Variants in PPM1K observed in about 807,000 individuals in gnomAD.
PPM1K encodes the protein protein phosphatase Mn(2+)-dependent 1K.
In PPM1K, 19 loss-of-function variants were observed where a neutral mutation model predicts 32.6. The ratio of observed to expected loss-of-function variants is 0.58; its 90% CI spans 0.41 to 0.86. The LOEUF is 0.86. Among genes scored for constraint, PPM1K ranks in the 40% least tolerant of loss-of-function variants. The probability of loss-of-function intolerance (pLI) is 0.00; values close to 1 mark genes in which losing one functional copy is unlikely to be tolerated. For synonymous variants in PPM1K, 159 were observed against 165.3 expected, an observed-to-expected ratio of 0.96 and a Z score of 0.29; for missense variants, 362 against 461.2, an observed-to-expected ratio of 0.78 and a Z score of 1.97.
chr4:88,272,008 A>G (rs901475881), intron 3 of PPM1K, among the ~76,000 whole-genome samples: 13 of 152,348 alleles, frequency 8.5e-5, no homozygotes, highest in African/African-American at 2.4e-4. Context: ...CGACACATCA[A>G]AAGAAAAATG....
intron 3 of PPM1K, among the ~76,000 whole-genome samples, chr4:88,270,114 T>G (rs1731495589): frequency 6.6e-6 from 1 of 152,236 alleles, no homozygotes; most frequent in Non-Finnish European, 1.5e-5. Context: ...TGCTACTAAT[T>G]TGACTGATTA....
intron 1 of PPM1K, among the ~76,000 whole-genome samples, chr4:88,281,711 C>T (rs144385109): frequency 6.6e-6 from 1 of 152,286 alleles, no homozygotes; most frequent in Non-Finnish European, 1.5e-5. Flanking sequence ...ATGTCCTTTT[C>T]CATCTGCAAT....
At chr4:88,273,509 C>T (rs571059435) in intron 3 of PPM1K, among the ~76,000 whole-genome samples, 6 of 152,154 alleles carry the variant, frequency 3.9e-5, no homozygotes, top group South Asian at 2.1e-4. Flanking sequence ...GGCAAAACCC[C>T]GCCTCTACTA....
chr4:88,275,345 C>T (rs562443996), intron 3 of PPM1K: 3 of 970,858 alleles, frequency 3.1e-6, no homozygotes, highest in Admixed American at 6.2e-5. Flanking sequence ...CTTTATACAA[C>T]TGTTTAATGT....
At chr4:88,272,083 G>A (rs1379892271) in intron 3 of PPM1K, among the ~76,000 whole-genome samples, 1 of 152,086 alleles carries the variant, frequency 6.6e-6, no homozygotes, top group African/African-American at 2.4e-5. Context: ...ATGACCCCTA[G>A]TAATTACTCA....
chr4:88,281,694 T>C (rs1732015360), intron 1 of PPM1K, among the ~76,000 whole-genome samples: 1 of 152,194 alleles, frequency 6.6e-6, no homozygotes, highest in Non-Finnish European at 1.5e-5. Flanking sequence ...TGTTACGAAC[T>C]GGCTCCATGT....
chr4:88,272,573 G>T (rs191468908), intron 3 of PPM1K, among the ~76,000 whole-genome samples: 1 of 152,026 alleles, frequency 6.6e-6, no homozygotes, highest in Non-Finnish European at 1.5e-5. Context: ...TATAAACAAC[G>T]GACTGGTGGG....
At position 88,278,365 on chromosome 4, in the gene PPM1K, C is replaced by T. The variant is rs1264390722; in HGVS notation, c.219G>A (p.Glu73=). ...NFGIWDNRID[E]PILLPPSIKY... ...TAATGCTGGGTGGCAGCAGAATTGGCTCATCAATGCGGTTATCCCAGATCC... is the reference window on the plus strand; with the variant it reads ...TAATGCTGGGTGGCAGCAGAATTGGTTCATCAATGCGGTTATCCCAGATCC... The change falls in exon 2 of 7, where the codon GAG becomes GAA. Residue 73 remains glutamate, a synonymous_variant. Transcript: ENST00000608933. This position sits in a 1 kb window ranked among gnomAD's most constrained non-coding sequence, Gnocchi z 4.2. 1.2e-6 allele frequency: 2 copies of T among 1,614,182 alleles called. No homozygotes were observed. Among genetic ancestry groups the T allele is most frequent in the South Asian group, 1.1e-5 (1 of 91,076 alleles).
intron 5 of PPM1K, 38 bp from the exon 6 acceptor site, chr4:88,265,173 ACT>A (rs775004769): frequency 6.2e-7 from 1 of 1,612,052 alleles, no homozygotes; most frequent in African/African-American, 1.3e-5. Flanking sequence ...TATAAGCTAG[ACT>A]CTGCCTTAGC....
intron 6 of PPM1K, among the ~76,000 whole-genome samples, chr4:88,264,445 A>C (rs1731232407): frequency 6.6e-6 from 1 of 152,216 alleles, no homozygotes; most frequent in Non-Finnish European, 1.5e-5. Flanking sequence ...CCAGAAGGTG[A>C]CTATGCTATA....
intron 5 of PPM1K, among the ~76,000 whole-genome samples, chr4:88,266,684 T>C (rs188187534): frequency 6.8e-6 from 1 of 147,012 alleles, no homozygotes; most frequent in Admixed American, 6.8e-5. Flanking sequence ...TGATGCTGGC[T>C]GATTGGGTGC....
rs553138022 is a variant in PPM1K, at chr4:88,280,974, T to C, written c.-59-2332A>G. Among the ~76,000 whole-genome samples, 5 of 152,326 alleles carry C rather than the reference T, an allele frequency of 3.3e-5. No individual in the cohort carries two copies. The South Asian group carries it at 6.2e-4, about 19-fold the overall frequency. On this transcript the variant is annotated intron_variant, in intron 1 of 6. Transcript: ENST00000608933. ...AACAATTATGGATTCAAGCCAGCAA[T>C]GGTGTGTTAAAAAAAATTTAAAAAC...
rs1731060079 is a variant in PPM1K at position 88,260,035 on chromosome 4, A to C, written c.*2560T>G. On this transcript the variant is annotated 3_prime_UTR_variant, in exon 7 of 7. Transcript: ENST00000608933. ...AGTAATGTAAAGCATTCAAAACAAAAATGAAACCTGCATATTTGTTTATTT... is the reference window on the plus strand; with the variant it reads ...AGTAATGTAAAGCATTCAAAACAAACATGAAACCTGCATATTTGTTTATTT... 6.6e-6 allele frequency: 1 copy of C among 152,196 alleles called. No homozygotes were observed. Among genetic ancestry groups the C allele is most frequent in the South Asian group, 2.1e-4 (1 of 4,834 alleles). 9.4% of individuals were successfully genotyped at this position (152,196 alleles called of 1,614,324 possible).
chr4:88,260,969 C>T lies in PPM1K; in HGVS notation c.*1626G>A, dbSNP rs1484363789. The T allele has an allele frequency of 6.6e-6, 1 of 152,014 alleles. No homozygotes were observed. Among genetic ancestry groups the T allele is most frequent in the African/African-American group, 2.4e-5 (1 of 41,382 alleles). 9.4% of individuals were successfully genotyped at this position (152,014 alleles called of 1,614,324 possible). A position where few individuals can be genotyped will look rare whatever the true frequency, so the allele number is the denominator to read the frequency against. ...TGGGTCTCCACTATAAGAAAATTGC[C>T]CCTAGTTTGTCAAGAGTCCTTAAAA... On this transcript the variant is annotated 3_prime_UTR_variant, in exon 7 of 7. Coordinates refer to ENST00000608933, the MANE Select transcript of PPM1K (RefSeq NM_152542.5).
intron 3 of PPM1K, chr4:88,275,372 T>A (rs776907765): frequency 1.3e-5 from 13 of 978,676 alleles, no homozygotes; most frequent in Non-Finnish European, 1.5e-5. Context: ...GACAAAGGTA[T>A]CTTTAGAAAG....
rs549666342 is a variant in PPM1K, at chr4:88,262,592, T to C, written c.*3A>G. ...CACAGAAACTCTAAGTCCCAGCTGG[T>C]AATCAGGCCCATCGTCCACTGGAGG... On this transcript the variant is annotated 3_prime_UTR_variant, in exon 7 of 7. Transcript: ENST00000608933. 13 of 1,613,084 alleles carry C rather than the reference T, an allele frequency of 8.1e-6. No homozygotes were observed. In the East Asian group the frequency reaches 2.7e-4, roughly 33 times the overall value.
rs369123939 is a variant in PPM1K, at chr4:88,259,491, T to C, written c.*3104A>G. 9.9e-5 allele frequency: 15 copies of C among 152,204 alleles called. No homozygotes were observed. Among genetic ancestry groups the C allele is most frequent in the African/African-American group, 2.9e-4 (12 of 41,454 alleles). 9.4% of individuals were successfully genotyped at this position (152,204 alleles called of 1,614,324 possible). A position where few individuals can be genotyped will look rare whatever the true frequency, so the allele number is the denominator to read the frequency against. ...AAATGAAAGACAAACCGAACCACAA[T>C]TGATGTTTTACTACATTAATGTAAT... On this transcript the variant is annotated 3_prime_UTR_variant, in exon 7 of 7. Coordinates refer to ENST00000608933, the MANE Select transcript of PPM1K (RefSeq NM_152542.5).
chr4:88,265,235 G>A, intron 5 of PPM1K, 100 bp from the exon 6 acceptor site: 1 of 1,365,374 alleles, frequency 7.3e-7, no homozygotes, highest in Non-Finnish European at 1.0e-6. Flanking sequence ...GCGGTCATCT[G>A]TGTAACAGCT....
At chr4:88,266,687 TTGGGTGCAGGTGTTAGCTGATTGG>T (rs1731324309) in intron 5 of PPM1K, among the ~76,000 whole-genome samples, 1 of 97,274 alleles carries the variant, frequency 1.0e-5, no homozygotes, top group African/African-American at 4.1e-5. Flanking sequence ...TGCTGGCTGA[TTGGGTGCAGGTGTTAGCTGATTGG>T]GTGCAGGTGA....
Sources: gnomAD v4.1 joint callset for allele counts (sites outside exome capture counted in the v4.1 genomes callset) on GRCh38, gnomAD v4.1.1 for gene constraint, Gnocchi (gnomAD v3.1) non-coding constraint, MANE v1.5 for transcripts, NCBI Gene and HGNC (gene_info 2026-07-23, HGNC 2026-07-21) for gene names.